Variants in ECHDC1 observed in about 807,000 individuals in gnomAD.
ECHDC1 encodes ethylmalonyl-CoA decarboxylase.
In ECHDC1, 29 loss-of-function variants were observed where a neutral mutation model predicts 29.7. That is an observed-to-expected ratio of 0.98 (90% CI 0.73 to 1.33). The LOEUF is 1.33. Ranked by LOEUF, ECHDC1 falls within the 40% of genes most tolerant of loss-of-function variation. The pLI is 0.00. For missense variants in ECHDC1, 328 were observed against 350.0 expected, an observed-to-expected ratio of 0.94 and a Z score of 0.50; for synonymous variants, 126 against 123.1, an observed-to-expected ratio of 1.02 and a Z score of -0.15.
intron 1 of ECHDC1, among the ~76,000 whole-genome samples, chr6:127,338,424 T>TA (rs1562337730): frequency 6.6e-6 from 1 of 152,140 alleles, no homozygotes; most frequent in Non-Finnish European, 1.5e-5. Flanking sequence ...CATAAAAGGA[T>TA]ATCTTTTTTT....
At chr6:127,332,852 G>T (rs199999116) in intron 1 of ECHDC1, among the ~76,000 whole-genome samples, 1 of 149,684 alleles carries the variant, frequency 6.7e-6, no homozygotes, top group Admixed American at 6.7e-5. Flanking sequence ...AATGCAGTGG[G>T]CACTATCTCC....
intron 5 of ECHDC1, 118 bp from the exon 6 acceptor site, chr6:127,290,395 A>G (rs1582917640): frequency 1.3e-5 from 14 of 1,043,004 alleles, no homozygotes; most frequent in Non-Finnish European, 1.8e-5. Context: ...TAGGTATATT[A>G]AAAACAATGT....
chr6:127,292,882 A>G (rs938185094), intron 5 of ECHDC1, among the ~76,000 whole-genome samples: 3 of 152,132 alleles, frequency 2.0e-5, no homozygotes, highest in Non-Finnish European at 1.5e-5. Context: ...CTCAATTTAT[A>G]AAACCATATT....
intron 5 of ECHDC1, among the ~76,000 whole-genome samples, chr6:127,304,620 C>T (rs1436370787): frequency 6.6e-6 from 1 of 152,168 alleles, no homozygotes; most frequent in African/African-American, 2.4e-5. Flanking sequence ...TTCAAAGTAG[C>T]TGTTTTGACA....
chr6:127,316,565 A>C, intron 3 of ECHDC1, 63 bp from the exon 4 acceptor site: 1 of 1,419,846 alleles, frequency 7.0e-7, no homozygotes, highest in Non-Finnish European at 9.6e-7. Flanking sequence ...TAAATTTTTT[A>C]AATTAAGGTT....
intron 2 of ECHDC1, among the ~76,000 whole-genome samples, chr6:127,327,409 G>C (rs1783449792): frequency 6.6e-6 from 1 of 152,112 alleles, no homozygotes; most frequent in Non-Finnish European, 1.5e-5. Flanking sequence ...TGATTATGTA[G>C]AAGAATAAGA....
chr6:127,331,118 C>T (rs929244683), intron 1 of ECHDC1, 88 bp from the exon 2 acceptor site: 6 of 966,730 alleles, frequency 6.2e-6, no homozygotes, highest in Middle Eastern at 3.1e-4. Flanking sequence ...TAGTAATGGA[C>T]CCTTCTGTTG....
chr6:127,292,108 C>T (rs1780243437), intron 5 of ECHDC1, among the ~76,000 whole-genome samples: 1 of 151,970 alleles, frequency 6.6e-6, no homozygotes, highest in African/African-American at 2.4e-5. Flanking sequence ...ACATAATACA[C>T]TAAATATGTA....
chr6:127,305,243 C>A (rs1466594712), intron 5 of ECHDC1, among the ~76,000 whole-genome samples: 2 of 152,102 alleles, frequency 1.3e-5, no homozygotes, highest in African/African-American at 2.4e-5. Flanking sequence ...TCAGTGAAAA[C>A]CTTACAGGCC....
intron 3 of ECHDC1, among the ~76,000 whole-genome samples, chr6:127,318,715 G>A (rs1042636603): frequency 1.8e-4 from 27 of 152,204 alleles, no homozygotes; most frequent in Admixed American, 8.5e-4. Context: ...CCCCTCCTCA[G>A]ACGCTAGTAA....
Sources: gnomAD v4.1 joint callset for allele counts (sites outside exome capture counted in the v4.1 genomes callset) on GRCh38, gnomAD v4.1.1 for gene constraint, MANE v1.5 for transcripts, NCBI Gene and HGNC (gene_info 2026-07-23, HGNC 2026-07-21) for gene names.